Variants in LGI1 observed in about 807,000 individuals in gnomAD.
The protein encoded by LGI1 is leucine rich glioma inactivated 1.
In LGI1, 11 loss-of-function variants were observed where a neutral mutation model predicts 57.7. The ratio of observed to expected loss-of-function variants is 0.19; its 90% CI spans 0.12 to 0.32. The LOEUF (loss-of-function observed/expected upper bound fraction) is 0.32. Ranked by LOEUF, LGI1 falls within the 10% of genes least tolerant of loss-of-function variation. The pLI, the probability that LGI1 is intolerant of heterozygous loss-of-function variation, is 1.00. For synonymous variants in LGI1, 222 were observed against 241.9 expected, an observed-to-expected ratio of 0.92 and a Z score of 0.76; for missense variants, 422 against 661.9, an observed-to-expected ratio of 0.64 and a Z score of 3.98.
intron 4 of LGI1, among the ~76,000 whole-genome samples, chr10:93,785,416 C>T (rs1253266758): frequency 1.3e-5 from 2 of 152,076 alleles, no homozygotes; most frequent in African/African-American, 4.8e-5. Context: ...AATTCATATC[C>T]TTTACTCAGT....
rs182654305 is a variant in LGI1, at chr10:93,798,141, G to C, written c.*338G>C. Reference sequence around the variant, plus strand: ...TACAGAAACAACTGCCAAATAAAATGTTTACATTTTCTTTCATATCCCAGA... The same window carrying C: ...TACAGAAACAACTGCCAAATAAAATCTTTACATTTTCTTTCATATCCCAGA... On this transcript the variant is annotated 3_prime_UTR_variant, in exon 8 of 8. Transcript: ENST00000371418. 1 of 270,562 alleles carries C rather than the reference G, an allele frequency of 3.7e-6. No individual in the cohort carries two copies. Among genetic ancestry groups the C allele is most frequent in the South Asian group, 5.4e-5 (1 of 18,594 alleles). The allele number at this position is 270,562 out of a possible 1,614,324, so 16.8% of individuals were successfully genotyped here.
At chr10:93,760,427 T>C (rs2059610680) in intron 2 of LGI1, among the ~76,000 whole-genome samples, 1 of 152,230 alleles carries the variant, frequency 6.6e-6, no homozygotes, top group African/African-American at 2.4e-5. Context: ...ACTTGTTAAA[T>C]GAATAAATAG....
intron 2 of LGI1, chr10:93,769,442 G>A (rs1418618793): frequency 6.6e-6 from 1 of 152,148 alleles, no homozygotes; most frequent in Non-Finnish European, 1.5e-5. Context: ...CACGGGACCT[G>A]AGTTTCCTTA....
At chr10:93,776,026 A>T (rs779750317) in intron 2 of LGI1, 5 of 152,196 alleles carry the variant, frequency 3.3e-5, no homozygotes, top group Non-Finnish European at 5.9e-5. Flanking sequence ...CAATTGCCAA[A>T]GCTGTGATGG....
chr10:93,794,816 C>G (rs1200817748), intron 7 of LGI1: 1 of 152,170 alleles, frequency 6.6e-6, no homozygotes, highest in African/African-American at 2.4e-5. Context: ...CTCACACCTC[C>G]CCATAAAAGG....
At chr10:93,773,657 G>A (rs1219439668) in intron 2 of LGI1, among the ~76,000 whole-genome samples, 1 of 152,042 alleles carries the variant, frequency 6.6e-6, no homozygotes, top group Non-Finnish European at 1.5e-5. Context: ...GAAGAAAAAA[G>A]CCTCCCCTCT....
chr10:93,790,189 T>A lies in LGI1; in HGVS notation c.503+19T>A. 6.4e-7 allele frequency: 1 copy of A among 1,573,086 alleles called. No individual in the cohort carries two copies. Among genetic ancestry groups the A allele is most frequent in the Non-Finnish European group, 8.7e-7 (1 of 1,148,560 alleles). ...CAAATGTGTAAGAGGACCTAAGAAA[T>A]CACTGAACAATTAATTAATTTGCAG... On this transcript the variant is annotated intron_variant, in intron 5 of 7. Transcript: ENST00000371418.
rs959490683 is a variant in LGI1, at chr10:93,779,391, A to G, written c.431+1774A>G. On this transcript the variant is annotated intron_variant, in intron 4 of 7. Transcript: ENST00000371418. Reference sequence around the variant, plus strand: ...CTGTCTTGGAAGGAAGGAGGGAAGGAAAGAAAGAAGGAAGGAAGGAAGGAG... The same window carrying G: ...CTGTCTTGGAAGGAAGGAGGGAAGGGAAGAAAGAAGGAAGGAAGGAAGGAG... Among the ~76,000 whole-genome samples the G allele has an allele frequency of 3.0e-5, 4 of 132,268 alleles. No homozygotes were observed. In the South Asian group the frequency reaches 9.9e-4, roughly 33 times the overall value. The allele number at this position is 132,268 out of a possible 152,430, so 86.8% of individuals were successfully genotyped here.
intron 2 of LGI1, among the ~76,000 whole-genome samples, chr10:93,766,512 C>CTTTTTTTGTTTTTTT (rs1554903464): frequency 1.2e-5 from 1 of 84,588 alleles, no homozygotes. Flanking sequence ...TTATAGATCT[C>CTTTTTTTGTTTTTTT]TTTTTTTTTT....
chr10:93,774,161 A>T (rs1458886286), intron 2 of LGI1, among the ~76,000 whole-genome samples: 1 of 152,154 alleles, frequency 6.6e-6, no homozygotes, highest in Non-Finnish European at 1.5e-5. Context: ...CCACAGGTAA[A>T]GGGGACAGTG....
At position 93,758,561 on chromosome 10, in the gene LGI1, C is replaced by T. The variant is rs1307773623; in HGVS notation, c.216-199C>T. ...ACTGAACATGCTTAGATACCCCCAG[C>T]CCTGAACATTATCATGAGAAACCTG... On this transcript the variant is annotated intron_variant, in intron 1 of 7. Coordinates refer to ENST00000371418, the MANE Select transcript of LGI1 (RefSeq NM_005097.4). The surrounding 1 kb of genome is among the most constrained non-coding windows in gnomAD (Gnocchi z 4.7). The T allele has an allele frequency of 5.8e-6, 4 of 693,002 alleles. No homozygotes were observed. The highest frequency in any genetic ancestry group is 3.5e-5 in the South Asian group (2 of 57,306). 42.9% of individuals were successfully genotyped at this position (693,002 alleles called of 1,614,324 possible). A position where few individuals can be genotyped will look rare whatever the true frequency, so the allele number is the denominator to read the frequency against.
In LGI1 at chr10:93,797,258, T is replaced by C. The variant is rs758203843; in HGVS notation, c.1129T>C (p.Tyr377His). The change falls in exon 8 of 8, where the codon TAC becomes CAC. Residue 377 changes from tyrosine (Y) to histidine (H), a missense_variant. Physicochemically the swap from Tyr to His is moderately conservative, Grantham distance 83. Coordinates refer to ENST00000371418, the MANE Select transcript of LGI1 (RefSeq NM_005097.4). The surrounding 1 kb of genome is among the most constrained non-coding windows in gnomAD (Gnocchi z 6.5). The stretch of plus-strand genomic sequence containing the variant: ...CTCCCATCAATCCTTACACGCGTGG[T>C]ACAGGGACACTGATGTGGAATATCT... ...FYSHQSLHAWYRDTDVEYLEI... is the reference protein window; with the variant it reads ...FYSHQSLHAWHRDTDVEYLEI... 1.9e-6 allele frequency: 3 copies of C among 1,614,190 alleles called. No homozygotes were observed. Among genetic ancestry groups the C allele is most frequent in the Admixed American group, 3.3e-5 (2 of 60,026 alleles).
At chr10:93,787,737 G>A (rs942342126) in intron 4 of LGI1, among the ~76,000 whole-genome samples, 13 of 152,114 alleles carry the variant, frequency 8.5e-5, no homozygotes, top group Admixed American at 5.9e-4. Context: ...GCAAGACCCT[G>A]TCTCTACAAA....
At chr10:93,761,317 C>T (rs2059620676) in intron 2 of LGI1, among the ~76,000 whole-genome samples, 1 of 152,124 alleles carries the variant, frequency 6.6e-6, no homozygotes. Context: ...CAATGAATTC[C>T]AACAGCATTT....
chr10:93,793,293 A>C lies in LGI1; in HGVS notation c.781A>C (p.Ile261Leu), dbSNP rs552777218. Residue 261 changes from isoleucine to leucine, a missense_variant, in exon 7 of 8, where the codon ATT (isoleucine) becomes CTT (leucine). Transcript: ENST00000371418. ...VIAQPFTGKCIFLEWDHVEKT... is the reference protein window; with the variant it reads ...VIAQPFTGKCLFLEWDHVEKT... ...CGCTCAGCCTTTTACTGGAAAATGC[A>C]TTTTCCTTGAATGGGACCATGTGGA... The C allele has an allele frequency of 1.2e-6, 2 of 1,613,844 alleles. No homozygotes were observed. Among genetic ancestry groups the C allele is most frequent in the South Asian group, 2.2e-5 (2 of 91,080 alleles).
intron 5 of LGI1, 41 bp from the exon 6 acceptor site, chr10:93,792,702 G>C: frequency 6.2e-7 from 1 of 1,600,520 alleles, no homozygotes; most frequent in Admixed American, 1.7e-5. Flanking sequence ...TGCGTGGGTA[G>C]GGCCCTTGTA....
intron 6 of LGI1, 39 bp downstream of exon 6, chr10:93,792,951 A>T (rs2059949044): frequency 5.7e-6 from 9 of 1,590,586 alleles, no homozygotes; most frequent in Non-Finnish European, 6.9e-6. Context: ...AAAAATTAAA[A>T]TAAGGGCTAC....
At chr10:93,781,499 T>C (rs1269948778) in intron 4 of LGI1, among the ~76,000 whole-genome samples, 1 of 152,210 alleles carries the variant, frequency 6.6e-6, no homozygotes, top group Admixed American at 6.5e-5. Flanking sequence ...GAGAGACTTC[T>C]TAAAGTTAAG....
rs1164172141 is a variant in LGI1 at position 93,785,972 on chromosome 10, G to C, written c.432-4127G>C. Among the ~76,000 whole-genome samples the C allele has an allele frequency of 4.4e-5, 2 of 45,190 alleles. 1 individual carries two copies. Among genetic ancestry groups the C allele is most frequent in the Admixed American group, 7.7e-4 (2 of 2,612 alleles). 29.6% of individuals were successfully genotyped at this position (45,190 alleles called of 152,430 possible). On this transcript the variant is annotated intron_variant, in intron 4 of 7. Transcript: ENST00000371418. ...TTTTTTTCCTGTTGCCCCTGAGCCC[G>C]GTGCCCTCAGCAGCCCTCCGCTGCA...
Sources: allele counts gnomAD v4.1 joint callset (sites outside exome capture counted in the v4.1 genomes callset), GRCh38; gene constraint gnomAD v4.1.1; non-coding constraint Gnocchi (gnomAD v3.1); transcripts MANE v1.5; gene names NCBI Gene and HGNC (gene_info 2026-07-23, HGNC 2026-07-21).